The following DLG2 variants were observed in gnomAD, a reference collection of about 807,000 sequenced individuals.
DLG2 encodes disks large homolog 2.
DLG2 carries 45 observed loss-of-function variants against 132.5 expected under a neutral mutation model. That is an observed-to-expected ratio of 0.34 (90% CI 0.27 to 0.44). The LOEUF (loss-of-function observed/expected upper bound fraction) is 0.44, where lower values mean the gene tolerates loss of function less well. Ranked by LOEUF, DLG2 falls within the 20% of genes least tolerant of loss-of-function variation. The pLI is 1.00. For missense variants in DLG2, 1,045 were observed against 1,196.9 expected, an observed-to-expected ratio of 0.87 and a Z score of 1.87; for synonymous variants, 424 against 419.6, an observed-to-expected ratio of 1.01 and a Z score of -0.13.
At chr11:84,937,908 T>TA (rs1422288701) in intron 6 of DLG2, among the ~76,000 whole-genome samples, 1 of 152,056 alleles carries the variant, frequency 6.6e-6, no homozygotes, top group Non-Finnish European at 1.5e-5. Flanking sequence ...CAGAGAAACT[T>TA]AGAGGTAGGA....
chr11:84,604,427 T>G (rs1225372176), intron 6 of DLG2, among the ~76,000 whole-genome samples: 1 of 151,736 alleles, frequency 6.6e-6, no homozygotes, highest in African/African-American at 2.4e-5. Flanking sequence ...AGAAATTAAA[T>G]TATGTAGGGC....
chr11:84,290,124 T>C (rs906687647), intron 7 of DLG2, among the ~76,000 whole-genome samples: 1 of 152,170 alleles, frequency 6.6e-6, no homozygotes, highest in Admixed American at 6.6e-5. Flanking sequence ...ACTCAGATCA[T>C]GGTCTTCACT....
chr11:84,260,972 C>T lies in DLG2; in HGVS notation c.520-9681G>A, dbSNP rs1396344779. Among the ~76,000 whole-genome samples, 5 of 152,138 alleles carry T rather than the reference C, an allele frequency of 3.3e-5. No individual in the cohort carries two copies. The South Asian group carries it at 6.2e-4, about 19-fold the overall frequency. On this transcript the variant is annotated intron_variant, in intron 7 of 27. Coordinates refer to ENST00000376104, the MANE Select transcript of DLG2 (RefSeq NM_001142699.3). Reference sequence around the variant, plus strand: ...GTGCCCCATGCCATAATAACCATACCTACTTAATTCACTGATTCACTCTAT... The same window carrying T: ...GTGCCCCATGCCATAATAACCATACTTACTTAATTCACTGATTCACTCTAT...
At chr11:83,928,974 A>T (rs2625524) in intron 15 of DLG2, among the ~76,000 whole-genome samples, 2 of 152,098 alleles carry the variant, frequency 1.3e-5, no homozygotes, top group Non-Finnish European at 1.5e-5. Flanking sequence ...GGCATAGTTC[A>T]CTGTATCAAC....
intron 7 of DLG2, among the ~76,000 whole-genome samples, chr11:84,470,279 A>G (rs994330176): frequency 1.3e-5 from 2 of 151,788 alleles, no homozygotes; most frequent in Non-Finnish European, 1.5e-5. Flanking sequence ...ATAAGCCAAG[A>G]TGGATTTCAA....
chr11:83,778,338 A>C (rs2094671959), intron 18 of DLG2, among the ~76,000 whole-genome samples: 1 of 152,116 alleles, frequency 6.6e-6, no homozygotes, highest in Admixed American at 6.6e-5. Context: ...ATAGATGTGA[A>C]TCTAAGAGGT....
chr11:84,157,908 C>T (rs548627440), intron 9 of DLG2, among the ~76,000 whole-genome samples: 1 of 152,296 alleles, frequency 6.6e-6, no homozygotes, highest in Admixed American at 6.5e-5. Context: ...AACTTGTTTA[C>T]AAATTGCCCA....
At chr11:83,467,126 G>A (rs983319490) in intron 25 of DLG2, among the ~76,000 whole-genome samples, 3 of 152,170 alleles carry the variant, frequency 2.0e-5, no homozygotes, top group African/African-American at 7.2e-5. Context: ...TTATGTGACT[G>A]AGTCTGTTCT....
At chr11:84,544,198 G>A (rs2099384939) in intron 6 of DLG2, among the ~76,000 whole-genome samples, 1 of 152,204 alleles carries the variant, frequency 6.6e-6, no homozygotes, top group South Asian at 2.1e-4. Flanking sequence ...GGGAAGGCTA[G>A]ACTCACACAG....
At chr11:85,430,653 C>T (rs55989212) in intron 3 of DLG2, among the ~76,000 whole-genome samples, 9 of 152,176 alleles carry the variant, frequency 5.9e-5, no homozygotes, top group Non-Finnish European at 1.3e-4. Flanking sequence ...TCAGATTTGA[C>T]CTCATTTCTG....
At chr11:84,615,274 A>G (rs536025680) in intron 6 of DLG2, among the ~76,000 whole-genome samples, 18 of 152,216 alleles carry the variant, frequency 1.2e-4, no homozygotes, top group African/African-American at 4.1e-4. Flanking sequence ...CAAAAGTAAC[A>G]TTGATCAATA....
At chr11:84,490,663 A>C (rs1376340637) in intron 7 of DLG2, among the ~76,000 whole-genome samples, 2 of 151,924 alleles carry the variant, frequency 1.3e-5, no homozygotes, top group African/African-American at 4.8e-5. Flanking sequence ...AAAAAAAAAA[A>C]AAAACCCGAC....
chr11:83,975,653 T>C (rs1466682771), intron 12 of DLG2, among the ~76,000 whole-genome samples: 2 of 151,910 alleles, frequency 1.3e-5, no homozygotes, highest in East Asian at 1.9e-4. Context: ...GTAATAAGTA[T>C]AATCTATTTA....
At chr11:83,811,342 T>C (rs117423804) in intron 17 of DLG2, among the ~76,000 whole-genome samples, 4,587 of 152,214 alleles carry the variant, frequency 0.03, 106 homozygotes, top group Middle Eastern at 0.085. Context: ...GTATAATCTA[T>C]GGCTGTAACC....
intron 3 of DLG2, among the ~76,000 whole-genome samples, chr11:85,300,080 G>T (rs1254187217): frequency 6.6e-6 from 1 of 152,172 alleles, no homozygotes; most frequent in African/African-American, 2.4e-5. Context: ...TTGACTGTGT[G>T]CCTTGTACTG....
intron 19 of DLG2, among the ~76,000 whole-genome samples, chr11:83,552,203 G>A (rs550664743): frequency 4.9e-4 from 74 of 152,258 alleles, no homozygotes; most frequent in Non-Finnish European, 8.4e-4. Flanking sequence ...AATAGAGCAC[G>A]GTAAGGGGGA....
chr11:84,506,395 G>A (rs1351221104), intron 7 of DLG2, among the ~76,000 whole-genome samples: 1 of 147,896 alleles, frequency 6.8e-6, no homozygotes, highest in East Asian at 2.0e-4. Context: ...AAAAGAGTCA[G>A]TAAAAGATAT....
chr11:85,134,471 G>A (rs1037428310), intron 5 of DLG2, among the ~76,000 whole-genome samples: 4 of 136,704 alleles, frequency 2.9e-5, no homozygotes, highest in Middle Eastern at 4.3e-3. Context: ...GGAGCTTGCA[G>A]TGAGCCGAGA....
At chr11:84,118,491 T>G (rs1315288507) in intron 9 of DLG2, among the ~76,000 whole-genome samples, 1 of 152,236 alleles carries the variant, frequency 6.6e-6, no homozygotes, top group Non-Finnish European at 1.5e-5. Flanking sequence ...AAATCATTTT[T>G]CTCTAACGAG....
Sources: allele counts gnomAD v4.1 joint callset (sites outside exome capture counted in the v4.1 genomes callset), GRCh38; gene constraint gnomAD v4.1.1; transcripts MANE v1.5; gene names NCBI Gene and HGNC (gene_info 2026-07-23, HGNC 2026-07-21).